PLD5: variants seen among roughly 807,000 people sequenced by gnomAD.
PLD5 encodes phospholipase D family member 5, also known as inactive phospholipase D5.
PLD5 carries 36 observed loss-of-function variants against 61.1 expected under a neutral mutation model. That is an observed-to-expected ratio of 0.59 (90% CI 0.45 to 0.78). The LOEUF (loss-of-function observed/expected upper bound fraction) is 0.78. Among genes scored for constraint, PLD5 ranks in the 30% least tolerant of loss-of-function variants. The probability of loss-of-function intolerance (pLI) is 0.00; values close to 1 mark genes in which losing one functional copy is unlikely to be tolerated. For missense variants in PLD5, 515 were observed against 644.4 expected (o/e 0.80, Z 2.17); for synonymous variants, 243 against 242.8 (o/e 1.00, Z -0.01).
At chr1:242,212,049 T>C (rs2148986243) in intron 5 of PLD5, among the ~76,000 whole-genome samples, 1 of 152,328 alleles carries the variant, frequency 6.6e-6, no homozygotes. Flanking sequence ...GTATCATCTT[T>C]AATGCTATGG....
chr1:242,133,018 C>G (rs1388799385), intron 5 of PLD5, among the ~76,000 whole-genome samples: 1 of 151,678 alleles, frequency 6.6e-6, no homozygotes, highest in South Asian at 2.1e-4. Flanking sequence ...CCCACTCCCC[C>G]CTCTCTTCCC....
chr1:242,322,077 G>A (rs961387006), intron 2 of PLD5, among the ~76,000 whole-genome samples: 2 of 152,156 alleles, frequency 1.3e-5, no homozygotes, highest in African/African-American at 4.8e-5. Flanking sequence ...TAGAAGCCAC[G>A]AGCCCTTGGT....
At chr1:242,205,119 T>C (rs1473602545) in intron 5 of PLD5, among the ~76,000 whole-genome samples, 1 of 152,178 alleles carries the variant, frequency 6.6e-6, no homozygotes, top group Non-Finnish European at 1.5e-5. Flanking sequence ...TCTCAGACTA[T>C]CATGCCATTT....
At chr1:242,218,730 G>A (rs1008295929) in intron 5 of PLD5, among the ~76,000 whole-genome samples, 1 of 152,204 alleles carries the variant, frequency 6.6e-6, no homozygotes, top group South Asian at 2.1e-4. Context: ...TGAAATAAGA[G>A]TGAGGTGTTT....
chr1:242,337,655 T>A (rs1447907669), intron 2 of PLD5, among the ~76,000 whole-genome samples: 1 of 152,062 alleles, frequency 6.6e-6, no homozygotes, highest in Non-Finnish European at 1.5e-5. Context: ...AGCAAGCAAA[T>A]CATATAATAC....
intron 1 of PLD5, among the ~76,000 whole-genome samples, chr1:242,376,160 G>A (rs1298934551): frequency 6.6e-6 from 1 of 152,156 alleles, no homozygotes; most frequent in Admixed American, 6.5e-5. Context: ...AGCCTTGCAG[G>A]TCTGCTGAGA....
intron 1 of PLD5, among the ~76,000 whole-genome samples, chr1:242,461,473 C>T (rs770091244): frequency 2.0e-5 from 3 of 152,086 alleles, no homozygotes; most frequent in Non-Finnish European, 4.4e-5. Flanking sequence ...TACCACATTG[C>T]CTTTTATTTT....
At position 242,280,425 on chromosome 1, in the gene PLD5, C is replaced by A. The variant is rs186640795; in HGVS notation, c.495+7937G>T. ...AGAATTTGTATGTATCCTAATTATGCTTTCATTAATTTATACGTGTTTTAT... is the reference window on the plus strand; with the variant it reads ...AGAATTTGTATGTATCCTAATTATGATTTCATTAATTTATACGTGTTTTAT... On this transcript the variant is annotated intron_variant, in intron 3 of 9. Transcript: ENST00000536534. 6.2e-3 allele frequency among the ~76,000 whole-genome samples: 934 copies of A among 151,802 alleles called. 10 individuals are homozygous for A. Among genetic ancestry groups the A allele is most frequent in the African/African-American group, 0.021 (892 of 41,524 alleles).
intron 1 of PLD5, among the ~76,000 whole-genome samples, chr1:242,508,491 A>G (rs1668802331): frequency 6.6e-6 from 1 of 152,206 alleles, no homozygotes; most frequent in African/African-American, 2.4e-5. Flanking sequence ...GCTCTTCACC[A>G]CGCTCTGTAC....
chr1:242,219,809 T>G (rs1203997375), intron 5 of PLD5, among the ~76,000 whole-genome samples, 179 bp downstream of exon 5: 1 of 152,200 alleles, frequency 6.6e-6, no homozygotes, highest in East Asian at 1.9e-4. Flanking sequence ...TTTTGTAAGA[T>G]GATCCTGACA....
chr1:242,281,150 GAAAATGTTAATAATAT>G (rs1365840769), intron 3 of PLD5, among the ~76,000 whole-genome samples: 1 of 152,186 alleles, frequency 6.6e-6, no homozygotes, highest in African/African-American at 2.4e-5. Flanking sequence ...GGTTTTAATA[GAAAATGTTAATAATAT>G]CATTTACAAA....
At chr1:242,363,073 G>A (rs146405080) in intron 1 of PLD5, among the ~76,000 whole-genome samples, 264 of 152,092 alleles carry the variant, frequency 1.7e-3, no homozygotes, top group African/African-American at 6.0e-3. Context: ...ATAGAGAAGC[G>A]GTGAAGATCT....
intron 4 of PLD5, among the ~76,000 whole-genome samples, chr1:242,248,538 A>ATTCCT (rs1672521856): frequency 6.6e-6 from 1 of 152,058 alleles, no homozygotes; most frequent in South Asian, 2.1e-4. Context: ...ACCAAAGAGA[A>ATTCCT]TTCCTGACAA....
At chr1:242,340,324 C>T (rs766622501) in intron 2 of PLD5, among the ~76,000 whole-genome samples, 4 of 151,818 alleles carry the variant, frequency 2.6e-5, no homozygotes, top group Non-Finnish European at 5.9e-5. Context: ...GAGCCAAAAC[C>T]AAATGGGATC....
chr1:242,382,726 T>C (rs902363300), intron 1 of PLD5, among the ~76,000 whole-genome samples: 2 of 152,162 alleles, frequency 1.3e-5, no homozygotes, highest in Non-Finnish European at 2.9e-5. Context: ...ACCTTCCTGA[T>C]TGAAAACATA....
intron 3 of PLD5, among the ~76,000 whole-genome samples, chr1:242,271,214 AGAGAGAG>A: frequency 1.1e-5 from 1 of 89,580 alleles, no homozygotes; most frequent in South Asian, 3.8e-4. Flanking sequence ...AGAGAGAGAG[AGAGAGAG>A]AGAGAGAGAG....
chr1:242,377,367 G>T, intron 1 of PLD5: 1 of 1,552,018 alleles, frequency 6.4e-7, no homozygotes, highest in East Asian at 2.2e-5. Flanking sequence ...TCCTCAGGGA[G>T]ACCTGAACTC....
At chr1:242,518,443 G>A (rs773338109) in intron 1 of PLD5, among the ~76,000 whole-genome samples, 6 of 152,112 alleles carry the variant, frequency 3.9e-5, no homozygotes, top group East Asian at 1.9e-4. Context: ...GTGTGAGATC[G>A]TGCCACAGAC....
At chr1:242,192,542 C>T (rs1481124754) in intron 5 of PLD5, among the ~76,000 whole-genome samples, 3 of 152,132 alleles carry the variant, frequency 2.0e-5, no homozygotes, top group African/African-American at 7.2e-5. Flanking sequence ...CCTGCTGTGT[C>T]TTATCACAGC....
Sources: allele counts gnomAD v4.1 joint callset (sites outside exome capture counted in the v4.1 genomes callset), GRCh38; gene constraint gnomAD v4.1.1; transcripts MANE v1.5; gene names NCBI Gene and HGNC (gene_info 2026-07-23, HGNC 2026-07-21).